The following TANC1 variants were observed in gnomAD, a reference collection of about 807,000 sequenced individuals.
TANC1 encodes protein TANC1.
Under a neutral mutation model 149.7 loss-of-function variants are expected in TANC1, and 77 were observed. That is an observed-to-expected ratio of 0.51 (90% confidence interval 0.43 to 0.62). The LOEUF (loss-of-function observed/expected upper bound fraction) is 0.62. TANC1 is among the 20% of genes least tolerant of loss of function. The pLI, the probability that TANC1 is intolerant of heterozygous loss-of-function variation, is 0.00. For synonymous variants in TANC1, 854 were observed against 925.0 expected, an observed-to-expected ratio of 0.92 and a Z score of 1.39; for missense variants, 1,985 against 2,321.8, an observed-to-expected ratio of 0.85 and a Z score of 2.98.
At chr2:159,221,468 T>C (rs2059703770) in intron 22 of TANC1, among the ~76,000 whole-genome samples, 1 of 152,228 alleles carries the variant, frequency 6.6e-6, no homozygotes, top group Admixed American at 6.5e-5. Flanking sequence ...AACTGAATCT[T>C]CGTACCCTTT....
intron 2 of TANC1, among the ~76,000 whole-genome samples, chr2:159,021,023 A>G (rs956975494): frequency 1.2e-4 from 18 of 152,286 alleles, no homozygotes; most frequent in African/African-American, 4.1e-4. Context: ...AGTCATTACC[A>G]GGGTATTCGA....
intron 18 of TANC1, among the ~76,000 whole-genome samples, chr2:159,197,177 G>A (rs974305956): frequency 3.9e-5 from 6 of 151,972 alleles, no homozygotes; most frequent in Non-Finnish European, 7.4e-5. Context: ...TTCTAAAATC[G>A]TTCCTGAGTA....
chr2:159,005,464 G>A (rs1201956940), intron 2 of TANC1, among the ~76,000 whole-genome samples: 4 of 152,028 alleles, frequency 2.6e-5, no homozygotes, highest in South Asian at 2.1e-4. Context: ...GGTGGCTTGC[G>A]CCTATAGTGC....
At chr2:159,094,902 T>C (rs2045940454) in intron 3 of TANC1, among the ~76,000 whole-genome samples, 1 of 152,090 alleles carries the variant, frequency 6.6e-6, no homozygotes, top group Non-Finnish European at 1.5e-5. Context: ...TGCATGAATG[T>C]CCTTATTTTT....
At chr2:158,995,171 G>A (rs1434487223) in intron 1 of TANC1, among the ~76,000 whole-genome samples, 1 of 152,168 alleles carries the variant, frequency 6.6e-6, no homozygotes, top group Non-Finnish European at 1.5e-5. Context: ...GATTCCCTGT[G>A]TTTGCATAAG....
At position 159,227,744 on chromosome 2, in the gene TANC1, G is replaced by T. The variant is rs902952837; in HGVS notation, c.3904-75G>T. ...TTGCAGGGGGGAGTAAACTCCCCAC[G>T]GTGTTCCAGGTGTGGGAGTTATTCA... is the stretch of plus-strand genomic sequence containing the variant. On this transcript the variant is annotated intron_variant, in intron 24 of 26. Coordinates refer to ENST00000263635, the MANE Select transcript of TANC1 (RefSeq NM_033394.3). The T allele has an allele frequency of 7.2e-6, 11 of 1,526,006 alleles. No homozygotes were observed. In the African/African-American group the frequency reaches 1.4e-4, roughly 19 times the overall value. 94.5% of individuals were successfully genotyped at this position (1,526,006 alleles called of 1,614,324 possible).
At chr2:159,054,061 T>C (rs1407587888) in intron 2 of TANC1, among the ~76,000 whole-genome samples, 2 of 152,228 alleles carry the variant, frequency 1.3e-5, no homozygotes, top group Non-Finnish European at 2.9e-5. Flanking sequence ...TGTGTATGTT[T>C]GGCCAAAGCC....
At chr2:159,166,156 T>C (rs1010107882) in intron 8 of TANC1, among the ~76,000 whole-genome samples, 12 of 152,190 alleles carry the variant, frequency 7.9e-5, no homozygotes, top group Non-Finnish European at 1.5e-4. Context: ...TAAAGGTATG[T>C]TTTAAATCAG....
At chr2:159,011,332 C>CA (rs1207353249) in intron 2 of TANC1, among the ~76,000 whole-genome samples, 10 of 150,912 alleles carry the variant, frequency 6.6e-5, no homozygotes, top group South Asian at 2.1e-4. Flanking sequence ...ACAACAACAA[C>CA]AACAAAAAAA....
At chr2:159,198,474 C>T (rs2058024025) in intron 18 of TANC1, among the ~76,000 whole-genome samples, 1 of 152,224 alleles carries the variant, frequency 6.6e-6, no homozygotes, top group Non-Finnish European at 1.5e-5. Flanking sequence ...GGCTTCCTGC[C>T]TCCATACCTG....
At chr2:159,219,975 A>AGT (rs775529868) in intron 22 of TANC1, 108 bp downstream of exon 22, 41,906 of 721,948 alleles carry the variant, frequency 0.058, 1,307 homozygotes, top group Admixed American at 0.14. Flanking sequence ...GTGTCATCAG[A>AGT]GAGTGTGTGT....
At chr2:158,981,575 G>A (rs73969406) in intron 1 of TANC1, among the ~76,000 whole-genome samples, 10,436 of 123,034 alleles carry the variant, frequency 0.085, 580 homozygotes, top group Middle Eastern at 0.13. Context: ...TAAAAATTAG[G>A]TTTATTAGTA....
chr2:159,203,331 C>T (rs1016648109), intron 19 of TANC1, among the ~76,000 whole-genome samples: 9 of 151,846 alleles, frequency 5.9e-5, no homozygotes, highest in African/African-American at 1.2e-4. Flanking sequence ...CTCAGCCTCC[C>T]GAGTAGCTGG....
chr2:159,135,962 G>C (rs558942903), intron 4 of TANC1, among the ~76,000 whole-genome samples: 1 of 151,206 alleles, frequency 6.6e-6, no homozygotes, highest in Non-Finnish European at 1.5e-5. Flanking sequence ...TTTCTTCTTT[G>C]GCAGGCCAGA....
chr2:159,136,053 CG>C, intron 4 of TANC1, 140 bp from the exon 5 acceptor site: 1 of 321,578 alleles, frequency 3.1e-6, no homozygotes, highest in Non-Finnish European at 5.1e-6. Context: ...TGTGTGTGCG[CG>C]CGCGCGCGTT....
intron 4 of TANC1, among the ~76,000 whole-genome samples, chr2:159,110,773 G>A (rs115175636): frequency 1.1e-3 from 160 of 152,314 alleles, no homozygotes; most frequent in African/African-American, 3.3e-3. Context: ...TGACTTGGTC[G>A]CCATGAATGG....
intron 2 of TANC1, among the ~76,000 whole-genome samples, chr2:159,051,359 T>C (rs2041448819): frequency 6.6e-6 from 1 of 152,242 alleles, no homozygotes; most frequent in African/African-American, 2.4e-5. Context: ...TTTTCTGTGC[T>C]GCGTCACAAT....
intron 2 of TANC1, among the ~76,000 whole-genome samples, chr2:159,032,694 A>G (rs1397242558): frequency 2.0e-5 from 3 of 152,078 alleles, no homozygotes; most frequent in African/African-American, 7.2e-5. Flanking sequence ...GGGAAACCAC[A>G]TATTCTCTCC....
chr2:159,165,191 A>T (rs913720010), intron 8 of TANC1, among the ~76,000 whole-genome samples: 1 of 152,138 alleles, frequency 6.6e-6, no homozygotes, highest in Non-Finnish European at 1.5e-5. Flanking sequence ...TTTCTGCTCG[A>T]TGTTCTTTAT....
Sources: allele counts gnomAD v4.1 joint callset (sites outside exome capture counted in the v4.1 genomes callset), GRCh38; gene constraint gnomAD v4.1.1; transcripts MANE v1.5; gene names NCBI Gene and HGNC (gene_info 2026-07-23, HGNC 2026-07-21).